The following RAD17 variants were observed in gnomAD, a reference collection of about 807,000 sequenced individuals.
RAD17 encodes cell cycle checkpoint protein RAD17.
A neutral mutation model predicts 81.5 loss-of-function variants in RAD17; 31 were observed. The observed-to-expected ratio is 0.38, with a 90% CI of 0.29 to 0.51. The LOEUF (loss-of-function observed/expected upper bound fraction) is 0.51. Among genes scored for constraint, RAD17 ranks in the 20% least tolerant of loss-of-function variants. The pLI, the probability that RAD17 is intolerant of heterozygous loss-of-function variation, is 0.88. For missense variants in RAD17, 681 were observed against 781.2 expected, an observed-to-expected ratio of 0.87 and a Z score of 1.53; for synonymous variants, 261 against 266.2, an observed-to-expected ratio of 0.98 and a Z score of 0.19.
At chr5:69,370,085 C>G (rs1762841543) in intron 1 of RAD17, 152 bp downstream of exon 1, 1 of 245,316 alleles carries the variant, frequency 4.1e-6, no homozygotes, top group Admixed American at 5.7e-5. Flanking sequence ...AGAGCCCTGT[C>G]CTGCAGCGGG....
Position 69,369,856 on chromosome 5 carries a change from C to T in RAD17, c.-494C>T. 1 of 728,700 alleles carries T rather than the reference C, an allele frequency of 1.4e-6. No individual in the cohort carries two copies. Among genetic ancestry groups the T allele is most frequent in the Non-Finnish European group, 2.3e-6 (1 of 440,642 alleles). 45.1% of individuals were successfully genotyped at this position (728,700 alleles called of 1,614,324 possible). A position where few individuals can be genotyped will look rare whatever the true frequency, so the allele number is the denominator to read the frequency against. On this transcript the variant is annotated 5_prime_UTR_variant, in exon 1 of 19. Coordinates refer to ENST00000354868, the MANE Select transcript of RAD17 (RefSeq NM_133338.3). ...GCTCGGCGTTGAGCCCGGGTAGGGC[C>T]AGGTGGCTGCCCTTTCACCTAGGGT...
chr5:69,393,585 C>T (rs1764677315), intron 15 of RAD17, 85 bp downstream of exon 15: 1 of 1,249,130 alleles, frequency 8.0e-7, no homozygotes, highest in Admixed American at 2.5e-5. Flanking sequence ...CCCTAATTGC[C>T]TGACATTATT....
Position 69,374,642 on chromosome 5 carries a change from G to A in RAD17, c.282G>A (p.Val94=). 1.2e-6 allele frequency: 2 copies of A among 1,609,922 alleles called. No individual in the cohort carries two copies. The highest frequency in any genetic ancestry group is 8.5e-7 in the Non-Finnish European group (1 of 1,178,848). Residue 94 remains valine (V), a synonymous_variant, in exon 6 of 19, where the codon GTG becomes GTA. Transcript: ENST00000354868. ...TTTTGTTGTAGCATGAACTTGCTGT[G>A]CATAAAAAGAAAATTGAAGAAGTCG... ...YKPETQHELA[V]HKKKIEEVET...
At chr5:69,382,793 A>C (rs1047138310) in intron 7 of RAD17, among the ~76,000 whole-genome samples, 2 of 152,114 alleles carry the variant, frequency 1.3e-5, no homozygotes, top group Admixed American at 1.3e-4. Flanking sequence ...AAAATTGATA[A>C]TAGTAACAAT....
In RAD17 at chr5:69,377,665, A is replaced by ACATATATATG. The variant is rs1561240493; in HGVS notation, c.351+2963_351+2964insGCATATATAT. ...TATATATATGCATATATATATGTATACATATATATATGCATATATATATAT... is the reference window on the plus strand; with the variant it reads ...TATATATATGCATATATATATGTATACATATATATGCATATATATATGCATATATATATAT... On this transcript the variant is annotated intron_variant, in intron 6 of 18. Coordinates refer to ENST00000354868, the MANE Select transcript of RAD17 (RefSeq NM_133338.3). 2.5e-3 allele frequency among the ~76,000 whole-genome samples: 118 copies of ACATATATATG among 47,016 alleles called. 25 individuals carry two copies. Among genetic ancestry groups the ACATATATATG allele is most frequent in the South Asian group, 4.0e-3 (5 of 1,240 alleles). The allele number at this position is 47,016 out of a possible 152,430, so 30.8% of individuals were successfully genotyped here.
intron 17 of RAD17, among the ~76,000 whole-genome samples, chr5:69,407,588 T>A (rs1193176704): frequency 1.4e-5 from 2 of 140,838 alleles, no homozygotes; most frequent in African/African-American, 5.2e-5. Flanking sequence ...TTTTTTTTTT[T>A]TTTTTGGAGA....
At chr5:69,410,861 A>G (rs1404400473) in intron 18 of RAD17, among the ~76,000 whole-genome samples, 1 of 151,526 alleles carries the variant, frequency 6.6e-6, no homozygotes, top group Non-Finnish European at 1.5e-5. Context: ...TTCTTAGCCT[A>G]TGCTTGAAGA....
chr5:69,398,316 G>A (rs1349344019), intron 16 of RAD17, among the ~76,000 whole-genome samples: 1 of 152,110 alleles, frequency 6.6e-6, no homozygotes, highest in Non-Finnish European at 1.5e-5. Flanking sequence ...ATCAAAGAAA[G>A]GAGAAGAAAT....
intron 17 of RAD17, among the ~76,000 whole-genome samples, chr5:69,402,606 G>C (rs988628516): frequency 3.3e-5 from 5 of 149,298 alleles, no homozygotes; most frequent in Non-Finnish European, 7.4e-5. Flanking sequence ...AGTGAGCTGA[G>C]ATCACGCCAC....
intron 17 of RAD17, among the ~76,000 whole-genome samples, chr5:69,404,810 C>G (rs1765491436): frequency 1.3e-5 from 2 of 151,236 alleles, no homozygotes; most frequent in South Asian, 4.2e-4. Context: ...GGTGTAGTGG[C>G]ACACACCTGT....
intron 3 of RAD17, 49 bp from the exon 4 acceptor site, chr5:69,371,985 T>A: frequency 1.9e-6 from 2 of 1,036,952 alleles, no homozygotes; most frequent in Non-Finnish European, 2.5e-6. Flanking sequence ...TTTTCTTTGA[T>A]GTTAAGTAAG....
chr5:69,414,531 G>A lies in RAD17; in HGVS notation c.*239G>A. The A allele has an allele frequency of 1.7e-6, 1 of 581,624 alleles. No homozygotes were observed. The highest frequency in any genetic ancestry group is 3.0e-6 in the Non-Finnish European group (1 of 332,062). The allele number at this position is 581,624 out of a possible 1,614,324, so 36.0% of individuals were successfully genotyped here. A position where few individuals can be genotyped will look rare whatever the true frequency, so the allele number is the denominator to read the frequency against. On this transcript the variant is annotated 3_prime_UTR_variant, in exon 19 of 19. Coordinates refer to ENST00000354868, the MANE Select transcript of RAD17 (RefSeq NM_133338.3). ...ATTAAATCTGTGAGTGGTTTAAGGA[G>A]CGGTCAGTGTGTATAAAGTGTGTTT...
chr5:69,377,787 T>G (rs1318123571), intron 6 of RAD17, among the ~76,000 whole-genome samples: 2 of 150,216 alleles, frequency 1.3e-5, no homozygotes, highest in African/African-American at 2.5e-5. Flanking sequence ...CTCTGTTTAT[T>G]TGTTTATTAA....
At chr5:69,413,383 A>C (rs1766137077) in intron 18 of RAD17, among the ~76,000 whole-genome samples, 1 of 152,218 alleles carries the variant, frequency 6.6e-6, no homozygotes, top group South Asian at 2.1e-4. Context: ...AGGTTGCAGT[A>C]AACTGAGATT....
rs1331516773 is a variant in RAD17 at position 69,391,906 on chromosome 5, GA to G, written c.1089del (p.Lys363AsnfsTer38). ...SDAVLSKSKR[R>X]KKPDRVFENQ... ...GCTGTGCTGTCAAAATCAAAACGAA[GA>G]AAAAAACCTGATAGGGTTTTTGAAA... On this transcript the variant is annotated frameshift_variant, in exon 13 of 19. Coordinates refer to ENST00000354868, the MANE Select transcript of RAD17 (RefSeq NM_133338.3). LOFTEE classifies it high-confidence loss of function. The G allele has an allele frequency of 5.0e-6, 8 of 1,593,602 alleles. No homozygotes were observed. Among genetic ancestry groups the G allele is most frequent in the Non-Finnish European group, 6.8e-6 (8 of 1,173,594 alleles).
Position 69,371,179 on chromosome 5 carries a change from C to T in RAD17, c.-280+8C>T, listed in dbSNP as rs776184362. 1 of 501,498 alleles carries T rather than the reference C, an allele frequency of 2.0e-6. No homozygotes were observed. The highest frequency in any genetic ancestry group is 1.6e-5 in the South Asian group (1 of 62,520). The allele number at this position is 501,498 out of a possible 1,614,324, so 31.1% of individuals were successfully genotyped here. On this transcript the variant is annotated splice_region_variant and intron_variant, in intron 2 of 18. Coordinates refer to ENST00000354868, the MANE Select transcript of RAD17 (RefSeq NM_133338.3). ...TGATTTTAATGACAAAAGGTAAGTA[C>T]ATAGTATGTGTGGTTTTTTTGTTTT... is the stretch of plus-strand genomic sequence containing the variant.
At chr5:69,377,239 T>G (rs1763391514) in intron 6 of RAD17, among the ~76,000 whole-genome samples, 2 of 151,850 alleles carry the variant, frequency 1.3e-5, no homozygotes, top group South Asian at 4.1e-4. Flanking sequence ...CTGACACACC[T>G]CTTACATCCA....
At chr5:69,410,381 G>T in intron 17 of RAD17, 112 bp from the exon 18 acceptor site, 1 of 773,652 alleles carries the variant, frequency 1.3e-6, no homozygotes, top group Non-Finnish European at 2.1e-6. Context: ...CTATGGCTTG[G>T]ATTTGCATTT....
intron 18 of RAD17, among the ~76,000 whole-genome samples, chr5:69,410,939 T>C (rs1364313172): frequency 1.0e-5 from 1 of 97,606 alleles, no homozygotes; most frequent in Admixed American, 1.1e-4. Context: ...TTAGAAAATT[T>C]AAACAAGCAA....
Sources: gnomAD v4.1 joint callset for allele counts (sites outside exome capture counted in the v4.1 genomes callset) on GRCh38, gnomAD v4.1.1 for gene constraint, MANE v1.5 for transcripts, NCBI Gene and HGNC (gene_info 2026-07-23, HGNC 2026-07-21) for gene names.